Variants in LRP1B observed in about 807,000 individuals in gnomAD.
The protein encoded by LRP1B is LDL receptor related protein 1B.
A neutral mutation model predicts 556.6 loss-of-function variants in LRP1B; 217 were observed. That is an observed-to-expected ratio of 0.39 (90% CI 0.35 to 0.44). LRP1B has a LOEUF of 0.44. Among genes scored for constraint, LRP1B ranks in the 20% least tolerant of loss-of-function variants. The probability of loss-of-function intolerance (pLI) is 1.00; values close to 1 mark genes in which losing one functional copy is unlikely to be tolerated. For missense variants in LRP1B, 5,053 were observed against 5,620.8 expected (o/e 0.90, Z 3.23); for synonymous variants, 2,047 against 1,865.8 (o/e 1.10, Z -2.50).
At chr2:140,804,984 T>C (rs1244399921) in intron 32 of LRP1B, among the ~76,000 whole-genome samples, 2 of 152,068 alleles carry the variant, frequency 1.3e-5, no homozygotes, top group Admixed American at 1.3e-4. Context: ...ACAAATGTCC[T>C]TAAGGGTTAT....
At chr2:141,285,333 C>G (rs1041012633) in intron 3 of LRP1B, among the ~76,000 whole-genome samples, 1 of 151,904 alleles carries the variant, frequency 6.6e-6, no homozygotes, top group Non-Finnish European at 1.5e-5. Flanking sequence ...GTTTTCCACC[C>G]GCCTCGGCCT....
intron 11 of LRP1B, among the ~76,000 whole-genome samples, chr2:141,042,872 T>A (rs2140870): frequency 0.059 from 8,921 of 151,692 alleles, 497 homozygotes; most frequent in African/African-American, 0.14. Context: ...ATAATAGAGG[T>A]CAAATTTTGT....
intron 3 of LRP1B, among the ~76,000 whole-genome samples, chr2:141,429,828 G>A (rs1027907634): frequency 6.6e-6 from 1 of 152,142 alleles, no homozygotes; most frequent in African/African-American, 2.4e-5. Flanking sequence ...ATTGGTTAAG[G>A]TCTTCTTAGG....
At chr2:141,797,785 G>A (rs997879430) in intron 2 of LRP1B, among the ~76,000 whole-genome samples, 1 of 152,100 alleles carries the variant, frequency 6.6e-6, no homozygotes, top group African/African-American at 2.4e-5. Flanking sequence ...ACACAATGAG[G>A]AAAGTGTACC....
At chr2:140,585,618 A>G (rs1036290737) in intron 43 of LRP1B, among the ~76,000 whole-genome samples, 4 of 152,208 alleles carry the variant, frequency 2.6e-5, no homozygotes, top group African/African-American at 4.8e-5. Context: ...GCTCAAGATC[A>G]CACAGTTTTT....
At chr2:140,574,253 C>G (rs977487542) in intron 43 of LRP1B, among the ~76,000 whole-genome samples, 1 of 152,054 alleles carries the variant, frequency 6.6e-6, no homozygotes, top group Non-Finnish European at 1.5e-5. Flanking sequence ...GCATTTAAAA[C>G]TATTTATTAA....
intron 1 of LRP1B, among the ~76,000 whole-genome samples, chr2:141,923,446 A>ATATGTATG (rs751676259): frequency 1.2e-5 from 1 of 81,774 alleles, no homozygotes; most frequent in African/African-American, 4.7e-5. Flanking sequence ...TTATATATAT[A>ATATGTATG]TGTGTGTGTG....
At chr2:141,701,066 C>G (rs1691924643) in intron 2 of LRP1B, among the ~76,000 whole-genome samples, 1 of 151,822 alleles carries the variant, frequency 6.6e-6, no homozygotes, top group Non-Finnish European at 1.5e-5. Flanking sequence ...TTGGCTAAAG[C>G]TGTGTCACTG....
At chr2:141,903,614 C>A (rs1033965178) in intron 1 of LRP1B, among the ~76,000 whole-genome samples, 4 of 152,014 alleles carry the variant, frequency 2.6e-5, no homozygotes, top group African/African-American at 9.6e-5. Context: ...AATAATTAAT[C>A]TATTTTGCTC....
intron 1 of LRP1B, among the ~76,000 whole-genome samples, chr2:141,820,091 A>T (rs1696704857): frequency 6.6e-6 from 1 of 152,204 alleles, no homozygotes; most frequent in African/African-American, 2.4e-5. Flanking sequence ...AGTAAGGATT[A>T]TACTATATAA....
intron 11 of LRP1B, among the ~76,000 whole-genome samples, chr2:141,048,234 C>T (rs916876197): frequency 6.6e-6 from 1 of 151,954 alleles, no homozygotes; most frequent in Non-Finnish European, 1.5e-5. Flanking sequence ...GAAACAGGTC[C>T]AGAATCATTA....
chr2:140,309,692 G>A (rs688006), intron 83 of LRP1B, among the ~76,000 whole-genome samples: 7,550 of 151,692 alleles, frequency 0.05, 615 homozygotes, highest in African/African-American at 0.17. Context: ...AATTATTGTT[G>A]CTATTTTAAT....
At chr2:142,081,690 G>T (rs746543482) in intron 1 of LRP1B, among the ~76,000 whole-genome samples, 3 of 152,174 alleles carry the variant, frequency 2.0e-5, no homozygotes, top group Non-Finnish European at 1.5e-5. Context: ...TGCTGTCCAG[G>T]CTGGTCTCAA....
intron 79 of LRP1B, among the ~76,000 whole-genome samples, chr2:140,329,362 C>G (rs921625085): frequency 6.6e-6 from 1 of 152,112 alleles, no homozygotes; most frequent in African/African-American, 2.4e-5. Flanking sequence ...TCTCACCACT[C>G]CTATTCCACA....
At chr2:142,022,345 T>G (rs1703356120) in intron 1 of LRP1B, among the ~76,000 whole-genome samples, 1 of 147,776 alleles carries the variant, frequency 6.8e-6, no homozygotes, top group African/African-American at 2.4e-5. Flanking sequence ...AAAGTGTTTA[T>G]GCTTGAAAAG....
intron 2 of LRP1B, among the ~76,000 whole-genome samples, chr2:141,545,597 C>T (rs139938548): frequency 2.6e-5 from 4 of 152,222 alleles, no homozygotes; most frequent in South Asian, 2.1e-4. Context: ...GTAATCACAG[C>T]GCTTCAGGAG....
chr2:140,446,696 T>C (rs1011734006), intron 63 of LRP1B, among the ~76,000 whole-genome samples: 2 of 151,746 alleles, frequency 1.3e-5, no homozygotes, highest in African/African-American at 4.8e-5. Flanking sequence ...ACAGAGATAA[T>C]GTAACCAACA....
intron 1 of LRP1B, among the ~76,000 whole-genome samples, chr2:141,905,089 G>A (rs997006165): frequency 7.9e-5 from 12 of 151,888 alleles, no homozygotes. Context: ...GAGGTAAAGG[G>A]TGCATTGTTT....
At chr2:142,072,228 A>G (rs1255400163) in intron 1 of LRP1B, among the ~76,000 whole-genome samples, 1 of 151,936 alleles carries the variant, frequency 6.6e-6, no homozygotes, top group East Asian at 1.9e-4. Context: ...ATGATCTTGA[A>G]AAGCTTTTGA....
Sources: gnomAD v4.1 joint callset for allele counts (sites outside exome capture counted in the v4.1 genomes callset) on GRCh38, gnomAD v4.1.1 for gene constraint, MANE v1.5 for transcripts, NCBI Gene and HGNC (gene_info 2026-07-23, HGNC 2026-07-21) for gene names.